IMMT: variants seen among roughly 807,000 people sequenced by gnomAD.
IMMT encodes MICOS complex subunit MIC60.
Under a neutral mutation model 92.7 loss-of-function variants are expected in IMMT, and 40 were observed. The ratio of observed to expected loss-of-function variants is 0.43; its 90% CI spans 0.34 to 0.56. The LOEUF (loss-of-function observed/expected upper bound fraction) is 0.56, where lower values mean the gene tolerates loss of function less well. IMMT is among the 20% of genes least tolerant of loss of function. IMMT has a pLI of 0.03. For missense variants in IMMT, 831 were observed against 912.1 expected, an observed-to-expected ratio of 0.91 and a Z score of 1.14; for synonymous variants, 322 against 336.1, an observed-to-expected ratio of 0.96 and a Z score of 0.46.
At chr2:86,148,214 CT>C (rs1225091835) in intron 12 of IMMT, among the ~76,000 whole-genome samples, 1 of 152,242 alleles carries the variant, frequency 6.6e-6, no homozygotes, top group Non-Finnish European at 1.5e-5. Flanking sequence ...TCAAGCGTAG[CT>C]TTACTACAAC....
chr2:86,151,610 G>C (rs1462221393), intron 11 of IMMT, 90 bp from the exon 12 acceptor site: 1 of 974,690 alleles, frequency 1.0e-6, no homozygotes, highest in East Asian at 2.5e-5. Flanking sequence ...TATAATTTAA[G>C]AGCAGTAAAC....
chr2:86,177,067 T>C (rs1435700463), intron 3 of IMMT, among the ~76,000 whole-genome samples: 2 of 152,034 alleles, frequency 1.3e-5, no homozygotes, highest in Non-Finnish European at 2.9e-5. Context: ...AGGGAGGAAG[T>C]TGGATGACAT....
intron 10 of IMMT, among the ~76,000 whole-genome samples, chr2:86,155,448 C>T (rs1203682763): frequency 6.6e-6 from 1 of 152,202 alleles, no homozygotes; most frequent in African/African-American, 2.4e-5. Context: ...TTTTCTGTCT[C>T]ACTTTTTTCA....
intron 8 of IMMT, among the ~76,000 whole-genome samples, chr2:86,160,772 T>C (rs1389574172): frequency 6.6e-6 from 1 of 152,214 alleles, no homozygotes; most frequent in East Asian, 1.9e-4. Flanking sequence ...GCATACCTAT[T>C]ACATACCCAC....
intron 5 of IMMT, 142 bp from the exon 6 acceptor site, chr2:86,170,986 C>T: frequency 1.4e-6 from 1 of 709,078 alleles, no homozygotes; most frequent in East Asian, 2.7e-5. Context: ...AAAACCATAT[C>T]ATTACTCTTA....
chr2:86,143,947 T>G lies in IMMT; in HGVS notation c.*321A>C. Reference sequence around the variant, plus strand: ...GATAAGATACTCAGTTTTCATCTTGTTGCTTTATTCAGTTTGCTCCGAGGG... The same window carrying G: ...GATAAGATACTCAGTTTTCATCTTGGTGCTTTATTCAGTTTGCTCCGAGGG... On this transcript the variant is annotated 3_prime_UTR_variant, in exon 15 of 15. Coordinates refer to ENST00000410111, the MANE Select transcript of IMMT (RefSeq NM_006839.3). The G allele has an allele frequency of 2.6e-6, 1 of 389,314 alleles. No homozygotes were observed. Among genetic ancestry groups the G allele is most frequent in the Non-Finnish European group, 4.8e-6 (1 of 210,446 alleles). 24.1% of individuals were successfully genotyped at this position (389,314 alleles called of 1,614,324 possible). A position where few individuals can be genotyped will look rare whatever the true frequency, so the allele number is the denominator to read the frequency against.
intron 10 of IMMT, 77 bp downstream of exon 10, chr2:86,158,515 T>G: frequency 8.0e-7 from 1 of 1,256,726 alleles, no homozygotes; most frequent in Non-Finnish European, 1.1e-6. Context: ...TGGACTACAA[T>G]GGAGATGAAG....
At chr2:86,158,503 T>C (rs1676020635) in intron 10 of IMMT, 89 bp downstream of exon 10, 4 of 1,068,020 alleles carry the variant, frequency 3.7e-6, no homozygotes, top group East Asian at 2.6e-5. Context: ...GCCAGAGGGA[T>C]GTGGACTACA....
chr2:86,143,940 C>A lies in IMMT; in HGVS notation c.*328G>T, dbSNP rs577424801. The A allele has an allele frequency of 5.3e-6, 2 of 374,586 alleles. No homozygotes were observed. Among genetic ancestry groups the A allele is most frequent in the East Asian group, 1.3e-4 (2 of 15,964 alleles). 23.2% of individuals were successfully genotyped at this position (374,586 alleles called of 1,614,324 possible). On this transcript the variant is annotated 3_prime_UTR_variant, in exon 15 of 15. Transcript: ENST00000410111. ...GAAAAGGGATAAGATACTCAGTTTTCATCTTGTTGCTTTATTCAGTTTGCT... is the reference window on the plus strand; with the variant it reads ...GAAAAGGGATAAGATACTCAGTTTTAATCTTGTTGCTTTATTCAGTTTGCT...
intron 3 of IMMT, among the ~76,000 whole-genome samples, chr2:86,178,922 C>T (rs1677637015): frequency 6.6e-6 from 1 of 151,416 alleles, no homozygotes. Context: ...ATTAGCCGGG[C>T]ATGGTGGCAG....
At chr2:86,159,910 G>C in intron 8 of IMMT, 1 of 303,982 alleles carries the variant, frequency 3.3e-6, no homozygotes, top group Non-Finnish European at 5.9e-6. Flanking sequence ...AAAACTAAAA[G>C]AAAAGTCAAT....
chr2:86,195,448 C>T lies in IMMT; in HGVS notation c.-66G>A. The T allele has an allele frequency of 1.3e-5, 20 of 1,503,644 alleles. No individual in the cohort carries two copies. The highest frequency in any genetic ancestry group is 1.7e-5 in the Non-Finnish European group (19 of 1,116,800). The allele number at this position is 1,503,644 out of a possible 1,614,324, so 93.1% of individuals were successfully genotyped here. ...CGCGGCGGCGCGAGTTAAGTGGAGG[C>T]GTGCTTGCGTGTGTGCGTGCCCGCG... On this transcript the variant is annotated 5_prime_UTR_variant, in exon 1 of 15. Transcript: ENST00000410111.
At chr2:86,178,668 T>A (rs1325129115) in intron 3 of IMMT, among the ~76,000 whole-genome samples, 1 of 152,126 alleles carries the variant, frequency 6.6e-6, no homozygotes, top group Non-Finnish European at 1.5e-5. Context: ...TCTGGCAAGT[T>A]GCACTGCATA....
chr2:86,172,263 C>T (rs1677147670), intron 4 of IMMT, among the ~76,000 whole-genome samples: 1 of 151,986 alleles, frequency 6.6e-6, no homozygotes, highest in South Asian at 2.1e-4. Flanking sequence ...AGCCACTGTG[C>T]CCGGCCTTGG....
In IMMT at chr2:86,150,003, T is replaced by C. The variant is rs532100788; in HGVS notation, c.1401+1294A>G. The stretch of plus-strand genomic sequence containing the variant: ...GGATTTATGTTGGATGCAAAACTGG[T>C]AGGATCTGTGGGGCAACTGAATATG... On this transcript the variant is annotated intron_variant, in intron 12 of 14. Coordinates refer to ENST00000410111, the MANE Select transcript of IMMT (RefSeq NM_006839.3). Among the ~76,000 whole-genome samples the C allele has an allele frequency of 5.3e-5, 8 of 152,126 alleles. No homozygotes were observed. The East Asian group carries it at 1.4e-3, about 26-fold the overall frequency.
chr2:86,162,191 T>C, intron 7 of IMMT, 112 bp from the exon 8 acceptor site: 1 of 638,708 alleles, frequency 1.6e-6, no homozygotes, highest in South Asian at 2.0e-5. Context: ...TAAAAATTTA[T>C]ATGCAATGTT....
At chr2:86,190,449 C>A (rs1673046936) in intron 1 of IMMT, among the ~76,000 whole-genome samples, 1 of 152,178 alleles carries the variant, frequency 6.6e-6, no homozygotes, top group African/African-American at 2.4e-5. Context: ...ATGTAAATGA[C>A]CACTTCCAGG....
chr2:86,147,115 AATTAG>A (rs555515017), intron 13 of IMMT, among the ~76,000 whole-genome samples: 38 of 152,320 alleles, frequency 2.5e-4, no homozygotes, highest in African/African-American at 5.5e-4. Flanking sequence ...TAAACATAAT[AATTAG>A]ATTAAATTAT....
At chr2:86,149,409 G>A (rs1364442430) in intron 12 of IMMT, among the ~76,000 whole-genome samples, 1 of 152,170 alleles carries the variant, frequency 6.6e-6, no homozygotes, top group Non-Finnish European at 1.5e-5. Flanking sequence ...TTAAGAATTT[G>A]GAATTATATT....
Sources: gnomAD v4.1 joint callset for allele counts (sites outside exome capture counted in the v4.1 genomes callset) on GRCh38, gnomAD v4.1.1 for gene constraint, MANE v1.5 for transcripts, NCBI Gene and HGNC (gene_info 2026-07-23, HGNC 2026-07-21) for gene names.